The following ZNF208 variants were observed in gnomAD, a reference collection of about 807,000 sequenced individuals.
ZNF208 encodes zinc finger protein 208, also known as zinc finger protein 95.
Under a neutral mutation model 12.1 loss-of-function variants are expected in ZNF208, and 10 were observed. The observed-to-expected ratio is 0.83, with a 90% CI of 0.51 to 1.40. ZNF208 has a LOEUF of 1.40. ZNF208 is among the 40% of genes most tolerant of loss of function. The pLI, the probability that ZNF208 is intolerant of heterozygous loss-of-function variation, is 0.00. For synonymous variants in ZNF208, 497 were observed against 488.4 expected (o/e 1.02, Z -0.23); for missense variants, 1,652 against 1,485.0 (o/e 1.11, Z -1.85).
At chr19:21,986,264 T>TA (rs1038429772) in intron 3 of ZNF208, among the ~76,000 whole-genome samples, 3 of 152,100 alleles carry the variant, frequency 2.0e-5, no homozygotes, top group African/African-American at 7.2e-5. Context: ...ATGTTCTCTA[T>TA]AAAAAACCAT....
intron 3 of ZNF208, among the ~76,000 whole-genome samples, chr19:21,985,394 T>C (rs117654275): frequency 0.012 from 1,797 of 152,250 alleles, 12 homozygotes; most frequent in Non-Finnish European, 0.018. Flanking sequence ...CTGGGTTATG[T>C]AGTGAAACCC....
chr19:21,994,852 T>G (rs1325888017), intron 1 of ZNF208, among the ~76,000 whole-genome samples: 2 of 152,168 alleles, frequency 1.3e-5, no homozygotes, highest in East Asian at 3.9e-4. Flanking sequence ...CTATTTATTG[T>G]ACCCACCATA....
At chr19:21,989,480 CATT>C (rs901790151) in intron 1 of ZNF208, among the ~76,000 whole-genome samples, 1 of 151,946 alleles carries the variant, frequency 6.6e-6, no homozygotes, top group Non-Finnish European at 1.5e-5. Context: ...TCCAGTCTGT[CATT>C]GTTGGTCATT....
intron 1 of ZNF208, among the ~76,000 whole-genome samples, chr19:22,009,880 A>G (rs1434516879): frequency 6.6e-6 from 1 of 152,084 alleles, no homozygotes; most frequent in Non-Finnish European, 1.5e-5. Context: ...TTCCATCTTG[A>G]TGTTACAAAT....
intron 1 of ZNF208, among the ~76,000 whole-genome samples, chr19:21,991,999 G>C (rs1464164922): frequency 6.6e-6 from 1 of 152,018 alleles, no homozygotes; most frequent in East Asian, 1.9e-4. Flanking sequence ...CAAATATCCA[G>C]TAATTGAATG....
chr19:21,965,832 C>T (rs1375790029), downstream of ZNF208: 3 of 151,572 alleles, frequency 2.0e-5, no homozygotes, highest in Non-Finnish European at 4.4e-5. Context: ...ATTACATTTT[C>T]CCCCAAAAGA....
intron 1 of ZNF208, among the ~76,000 whole-genome samples, chr19:22,005,221 G>C (rs1304784481): frequency 6.6e-6 from 1 of 152,216 alleles, no homozygotes; most frequent in African/African-American, 2.4e-5. Context: ...GTCCAGAGAG[G>C]AGTGTGGACA....
intron 1 of ZNF208, among the ~76,000 whole-genome samples, chr19:22,000,989 A>C (rs1970936613): frequency 1.3e-5 from 2 of 152,182 alleles, no homozygotes; most frequent in African/African-American, 4.8e-5. Flanking sequence ...ACACACACAC[A>C]CAAAAATCAA....
chr19:21,974,199 G>T lies in ZNF208; in HGVS notation c.835C>A (p.His279Asn), dbSNP rs1970378901. ...CATTTGTTGGGTTTCTCTCCAGTAT[G>T]AATTATCTTATGTTTAGTAAGGATT... ...SAILTKHKII[H>N]TGEKPNKCEE... The change falls in exon 4 of 4, where the codon CAT becomes AAT. Residue 279 changes from histidine (H) to asparagine (N), a missense_variant. By Grantham distance (68) the His-to-Asn change is moderately conservative (BLOSUM62 1). This residue lies in a region of ZNF208 where 410 missense variants were observed against 378.2 expected (regional missense o/e 1.08). Coordinates refer to ENST00000397126, the MANE Select transcript of ZNF208 (RefSeq NM_007153.3). The T allele has an allele frequency of 1.1e-5, 18 of 1,602,802 alleles. No homozygotes were observed. Among genetic ancestry groups the T allele is most frequent in the Non-Finnish European group, 1.5e-5 (17 of 1,171,166 alleles).
At chr19:21,974,919 A>G (rs1234381068) in intron 3 of ZNF208, 112 bp from the exon 4 acceptor site, 1 of 1,268,080 alleles carries the variant, frequency 7.9e-7, no homozygotes, top group South Asian at 1.9e-5. Context: ...TGACACTGCA[A>G]TATGACACAG....
intron 4 of ZNF208, among the ~76,000 whole-genome samples, chr19:21,948,615 C>A (rs1171063365): frequency 3.3e-5 from 5 of 152,162 alleles, no homozygotes; most frequent in African/African-American, 1.2e-4. Flanking sequence ...GTTCCCTTCT[C>A]ATTGCAGGAC....
intron 3 of ZNF208, among the ~76,000 whole-genome samples, chr19:21,984,440 C>T (rs1184738109): frequency 1.3e-5 from 2 of 152,054 alleles, no homozygotes; most frequent in African/African-American, 4.8e-5. Flanking sequence ...GTAGTCCCAG[C>T]TACTCAGGAG....
intron 3 of ZNF208, among the ~76,000 whole-genome samples, chr19:21,982,551 G>T (rs1401457645): frequency 6.6e-6 from 1 of 151,932 alleles, no homozygotes; most frequent in Non-Finnish European, 1.5e-5. Context: ...AGCTCATATA[G>T]CCAAGACAAT....
rs747365821 is a variant in ZNF208 at position 21,974,808 on chromosome 19, C to T, written c.227-1G>A. ...TCTTGAGCAAAATGAGAACATATAA[C>T]TGAAAAGAAATAAAAATCACAAATT... is the stretch of plus-strand genomic sequence containing the variant. On this transcript the variant is annotated splice_acceptor_variant, in intron 3 of 3. Coordinates refer to ENST00000397126, the MANE Select transcript of ZNF208 (RefSeq NM_007153.3). LOFTEE classifies it high-confidence loss of function. 20 of 1,531,350 alleles carry T rather than the reference C, an allele frequency of 1.3e-5. No individual in the cohort carries two copies. Among genetic ancestry groups the T allele is most frequent in the Non-Finnish European group, 1.6e-5 (18 of 1,144,100 alleles). 94.9% of individuals were successfully genotyped at this position (1,531,350 alleles called of 1,614,324 possible).
At chr19:21,942,645 T>C (rs1426079484) in intron 4 of ZNF208, among the ~76,000 whole-genome samples, 1 of 152,152 alleles carries the variant, frequency 6.6e-6, no homozygotes, top group Non-Finnish European at 1.5e-5. Context: ...GACTTTTCTT[T>C]CTTTCTTTTC....
chr19:21,972,046 A>C lies in ZNF208; in HGVS notation c.2988T>G (p.Thr996=), dbSNP rs368733092. The C allele has an allele frequency of 2.5e-6, 4 of 1,613,866 alleles. No individual in the cohort carries two copies. Among genetic ancestry groups the C allele is most frequent in the African/African-American group, 1.3e-5 (1 of 75,014 alleles). The change falls in exon 4 of 4, where the codon ACT becomes ACG. Residue 996 remains threonine, a synonymous_variant. Coordinates refer to ENST00000397126, the MANE Select transcript of ZNF208 (RefSeq NM_007153.3). The part of the protein sequence containing the change: ...SILTKHKVIH[T]GEKPYKCEEC... ...CTTCACATTTGTAGGGTTTCTCTCCAGTATGAATTACCTTATGTTTAGTAA... is the reference window on the plus strand; with the variant it reads ...CTTCACATTTGTAGGGTTTCTCTCCCGTATGAATTACCTTATGTTTAGTAA...
In ZNF208 at chr19:22,010,874, A is replaced by C; in HGVS notation, c.-80T>G. ...AGGTCATAGGGCCACAGAGGCTGGGACTCTAGGAGCAGAGGACACACAGCA... is the reference window on the plus strand; with the variant it reads ...AGGTCATAGGGCCACAGAGGCTGGGCCTCTAGGAGCAGAGGACACACAGCA... On this transcript the variant is annotated 5_prime_UTR_variant, in exon 1 of 4. Coordinates refer to ENST00000397126, the MANE Select transcript of ZNF208 (RefSeq NM_007153.3). 6.3e-7 allele frequency: 1 copy of C among 1,597,620 alleles called. No homozygotes were observed. Among genetic ancestry groups the C allele is most frequent in the Non-Finnish European group, 8.6e-7 (1 of 1,165,706 alleles).
chr19:21,961,607 C>G (rs1970071990), downstream of ZNF208, among the ~76,000 whole-genome samples: 1 of 152,048 alleles, frequency 6.6e-6, no homozygotes, highest in Admixed American at 6.6e-5. Context: ...GAGACCAGGG[C>G]ATATTTCAGT....
chr19:21,987,126 G>T, intron 3 of ZNF208, 90 bp downstream of exon 3: 2 of 1,355,404 alleles, frequency 1.5e-6, no homozygotes, highest in Non-Finnish European at 2.0e-6. Context: ...TACTTCTTTT[G>T]GAACACAGCT....
Sources: allele counts gnomAD v4.1 joint callset (sites outside exome capture counted in the v4.1 genomes callset), GRCh38; gene constraint gnomAD v4.1.1; regional missense constraint gnomAD v4.1.1; transcripts MANE v1.5; gene names NCBI Gene and HGNC (gene_info 2026-07-23, HGNC 2026-07-21).